The following REC114 variants were observed in gnomAD, a reference collection of about 807,000 sequenced individuals.
REC114 encodes the protein meiotic recombination protein REC114.
A neutral mutation model predicts 31.3 loss-of-function variants in REC114; 27 were observed. The observed-to-expected ratio is 0.86, with a 90% confidence interval of 0.64 to 1.19. REC114 has a LOEUF of 1.19. Among genes scored for constraint, REC114 ranks in the 50% most tolerant of loss-of-function variants. The pLI is 0.00. For synonymous variants in REC114, 134 were observed against 127.7 expected (o/e 1.05, Z -0.33); for missense variants, 344 against 326.9 (o/e 1.05, Z -0.40).
At chr15:73,559,353 C>A (rs539397934) in intron 5 of REC114, among the ~76,000 whole-genome samples, 1 of 152,304 alleles carries the variant, frequency 6.6e-6, no homozygotes, top group African/African-American at 2.4e-5. Flanking sequence ...TGCTCACATC[C>A]ACTCTGCCAC....
At position 73,514,102 on chromosome 15, in the gene REC114, G is replaced by C. The variant is rs561532201; in HGVS notation, c.250-26383G>C. On this transcript the variant is annotated intron_variant, in intron 2 of 5. Coordinates refer to ENST00000331090, the MANE Select transcript of REC114 (RefSeq NM_001042367.2). ...CTGTGCTAGCAATCAGCGAGACTCC[G>C]TGGGGTAGGACCCTCCGAGCCAGGT... Among the ~76,000 whole-genome samples, 293 of 152,154 alleles carry C rather than the reference G, an allele frequency of 1.9e-3. 1 individual carries two copies. The highest frequency in any genetic ancestry group is 6.7e-3 in the African/African-American group (276 of 41,498).
intron 2 of REC114, among the ~76,000 whole-genome samples, chr15:73,507,532 C>G (rs892883436): frequency 1.3e-5 from 2 of 151,968 alleles, no homozygotes; most frequent in African/African-American, 4.8e-5. Context: ...GGGAGGGGAC[C>G]TAGGTGGCTG....
At chr15:73,479,468 G>A (rs1252847785) in intron 2 of REC114, among the ~76,000 whole-genome samples, 12 of 151,940 alleles carry the variant, frequency 7.9e-5, no homozygotes, top group Admixed American at 5.9e-4. Context: ...TATTCTAGCA[G>A]ATTTCAAATA....
chr15:73,454,796 T>C (rs1892895319), intron 1 of REC114, among the ~76,000 whole-genome samples: 2 of 152,234 alleles, frequency 1.3e-5, no homozygotes, highest in Admixed American at 1.3e-4. Context: ...AAACCCTTTC[T>C]CCTAAAGCAT....
At chr15:73,470,207 T>C (rs1041882831) in intron 1 of REC114, among the ~76,000 whole-genome samples, 2 of 152,156 alleles carry the variant, frequency 1.3e-5, no homozygotes, top group African/African-American at 4.8e-5. Flanking sequence ...CTGTTCTTTG[T>C]TCCCTTTTAA....
chr15:73,508,605 C>A (rs1385794746), intron 2 of REC114, among the ~76,000 whole-genome samples: 2 of 119,924 alleles, frequency 1.7e-5, no homozygotes, highest in Non-Finnish European at 3.4e-5. Flanking sequence ...TCCCCCCACC[C>A]CACAACAGTC....
At chr15:73,478,553 T>A (rs1893248538) in intron 2 of REC114, among the ~76,000 whole-genome samples, 1 of 152,204 alleles carries the variant, frequency 6.6e-6, no homozygotes, top group Non-Finnish European at 1.5e-5. Context: ...AAAGTTGTTT[T>A]GACTATTATA....
chr15:73,452,189 A>G (rs1892860002), intron 1 of REC114, among the ~76,000 whole-genome samples: 1 of 152,254 alleles, frequency 6.6e-6, no homozygotes, highest in African/African-American at 2.4e-5. Flanking sequence ...AGAGGAAGTC[A>G]AAATGTCTCT....
At chr15:73,553,090 C>T (rs1894414303) in intron 4 of REC114, among the ~76,000 whole-genome samples, 1 of 152,192 alleles carries the variant, frequency 6.6e-6, no homozygotes, top group African/African-American at 2.4e-5. Flanking sequence ...GCTGGGATTA[C>T]AAGCATGAGC....
chr15:73,455,296 A>G (rs1476331483), intron 1 of REC114, among the ~76,000 whole-genome samples: 3 of 152,184 alleles, frequency 2.0e-5, no homozygotes, highest in African/African-American at 7.2e-5. Flanking sequence ...GGTTAGGTAA[A>G]GCATAAAAAT....
At chr15:73,510,961 A>G (rs1358975119) in intron 2 of REC114, among the ~76,000 whole-genome samples, 2 of 152,210 alleles carry the variant, frequency 1.3e-5, no homozygotes, top group Non-Finnish European at 2.9e-5. Context: ...GCTTCATAAA[A>G]TGAGTTAGGG....
At chr15:73,447,762 G>A (rs1473094260) in intron 1 of REC114, among the ~76,000 whole-genome samples, 6 of 152,166 alleles carry the variant, frequency 3.9e-5, no homozygotes, top group Non-Finnish European at 5.9e-5. Flanking sequence ...CACAGAAGGC[G>A]GGTGATTTCT....
intron 1 of REC114, among the ~76,000 whole-genome samples, chr15:73,448,117 G>A (rs956221009): frequency 4.0e-5 from 6 of 151,186 alleles, no homozygotes; most frequent in African/African-American, 1.2e-4. Context: ...TTTTTCACAC[G>A]CCAGTGGCTA....
chr15:73,522,027 A>T (rs757285407), intron 2 of REC114, among the ~76,000 whole-genome samples: 1 of 152,190 alleles, frequency 6.6e-6, no homozygotes, highest in Non-Finnish European at 1.5e-5. Flanking sequence ...TTAAAAATCA[A>T]TGTGTTTCAC....
chr15:73,464,973 C>T lies in REC114; in HGVS notation c.160-8859C>T, dbSNP rs141192719. On this transcript the variant is annotated intron_variant, in intron 1 of 5. Transcript: ENST00000331090. ...ATATTGCAATCTCAGCTCACTGCAA[C>T]CTCTGCCTCCCAGGTTCAAGAGATT... Among the ~76,000 whole-genome samples, 539 of 152,256 alleles carry T rather than the reference C, an allele frequency of 3.5e-3. 10 individuals carry two copies. The highest frequency in any genetic ancestry group is 0.029 in the Admixed American group (442 of 15,284).
intron 2 of REC114, among the ~76,000 whole-genome samples, chr15:73,475,690 AAAAT>A (rs1350815919): frequency 1.3e-5 from 2 of 152,218 alleles, no homozygotes; most frequent in African/African-American, 2.4e-5. Flanking sequence ...GATACTTTTT[AAAAT>A]AAATTTATTT....
At chr15:73,502,776 G>T (rs1180675474) in intron 2 of REC114, among the ~76,000 whole-genome samples, 1 of 152,148 alleles carries the variant, frequency 6.6e-6, no homozygotes, top group African/African-American at 2.4e-5. Flanking sequence ...TGCTAAAATT[G>T]TTCAGAGCAT....
intron 4 of REC114, among the ~76,000 whole-genome samples, chr15:73,554,743 G>A (rs961772164): frequency 1.3e-5 from 2 of 152,206 alleles, no homozygotes; most frequent in Non-Finnish European, 2.9e-5. Flanking sequence ...CTATGCTGTT[G>A]CAGAGGTGGA....
intron 1 of REC114, among the ~76,000 whole-genome samples, chr15:73,447,689 A>AAATAAATAAATAAATG (rs397963038): frequency 6.6e-6 from 1 of 151,426 alleles, no homozygotes; most frequent in Admixed American, 6.6e-5. Context: ...ATAAATAAAT[A>AAATAAATAAATAAATG]GGAAAATACA....
Sources: gnomAD v4.1 joint callset for allele counts (sites outside exome capture counted in the v4.1 genomes callset) on GRCh38, gnomAD v4.1.1 for gene constraint, MANE v1.5 for transcripts, NCBI Gene and HGNC (gene_info 2026-07-23, HGNC 2026-07-21) for gene names.